Variants in LIPT2 observed in about 807,000 individuals in gnomAD.
LIPT2 encodes the protein lipoyl(octanoyl) transferase 2, also known as octanoyl-[acyl-carrier-protein]:protein N-octanoyltransferase LIPT2, mitochondrial.
Under a neutral mutation model 16.2 loss-of-function variants are expected in LIPT2, and 16 were observed. The ratio of observed to expected loss-of-function variants is 0.99; its 90% confidence interval spans 0.67 to 1.50. The LOEUF (loss-of-function observed/expected upper bound fraction) is 1.50. Among genes scored for constraint, LIPT2 ranks in the 40% most tolerant of loss-of-function variants. The pLI is 0.00. For missense variants in LIPT2, 424 were observed against 347.7 expected (o/e 1.22, Z -1.75); for synonymous variants, 199 against 169.3 (o/e 1.18, Z -1.36).
Position 74,492,174 on chromosome 11 carries a change from G to T in LIPT2, c.657C>A (p.Ile219=). 2.6e-6 allele frequency: 4 copies of T among 1,551,640 alleles called. No homozygotes were observed. The highest frequency in any genetic ancestry group is 3.5e-6 in the Non-Finnish European group (4 of 1,146,960). Residue 219 remains isoleucine, a synonymous_variant, in exon 2 of 2, where the codon ATC becomes ATA. Transcript: ENST00000310109. ...CCTCTGAGATCAGTGTGCACTTGTA[G>T]ATCTCCTTAAAGGCCACAAGGAAAG... ...MPPFLVAFKE[I]YKCTLISEDS...
chr11:74,492,666 G>A (rs1415392939), intron 1 of LIPT2, among the ~76,000 whole-genome samples: 1 of 152,048 alleles, frequency 6.6e-6, no homozygotes, highest in African/African-American at 2.4e-5. Flanking sequence ...AGCATTTTGG[G>A]AGGCCGAGGC....
chr11:74,493,526 CG>C lies in LIPT2; in HGVS notation c.177del (p.Leu61CysfsTer5). On this transcript the variant is annotated frameshift_variant, in exon 1 of 2. Transcript: ENST00000310109. LOFTEE classifies it high-confidence loss of function. ...TCGGGCGTCAGGCCGCCGCGCAGCC[CG>C]GCCGTATACACGGGCCCCGCGGGCT... ...LCEPAGPVYT[A>X]GLRGGLTPEE... The C allele has an allele frequency of 1.4e-6, 2 of 1,420,440 alleles. No homozygotes were observed. Among genetic ancestry groups the C allele is most frequent in the Non-Finnish European group, 1.8e-6 (2 of 1,093,046 alleles). The allele number at this position is 1,420,440 out of a possible 1,614,324, so 88.0% of individuals were successfully genotyped here. A position where few individuals can be genotyped will look rare whatever the true frequency, so the allele number is the denominator to read the frequency against.
At position 74,493,677 on chromosome 11, in the gene LIPT2, C is replaced by T. The variant is rs1267978086; in HGVS notation, c.27G>A (p.Val9=). 1 of 1,411,876 alleles carries T rather than the reference C, an allele frequency of 7.1e-7. No homozygotes were observed. 87.5% of individuals were successfully genotyped at this position (1,411,876 alleles called of 1,614,324 possible). The change falls in exon 1 of 2, where the codon GTG becomes GTA. Residue 9 remains valine (V), a synonymous_variant. Transcript: ENST00000310109. ...CGGCGTACGGCACCCGACCCAGGCG[C>T]ACCAACCGAACGGCGGGTTGCCGCA... MRQPAVRL[V]RLGRVPYAEL...
chr11:74,493,331 G>A lies in LIPT2; in HGVS notation c.373C>T (p.Arg125Cys), dbSNP rs750472167. The A allele has an allele frequency of 1.7e-5, 25 of 1,481,494 alleles. No homozygotes were observed. In the South Asian group the frequency reaches 3.1e-4, roughly 18 times the overall value. The allele number at this position is 1,481,494 out of a possible 1,614,324, so 91.8% of individuals were successfully genotyped here. A position where few individuals can be genotyped will look rare whatever the true frequency, so the allele number is the denominator to read the frequency against. ...TGCAGGCCCTGGAGCTCGCACAGGC[G>A]CACGGCGCACGCCTCCAGCGACGCT... ...HVASLEACAVRLCELQGLQDA... is the reference protein window; with the variant it reads ...HVASLEACAVCLCELQGLQDA... Residue 125 changes from arginine to cysteine, a missense_variant, in exon 1 of 2, where the codon CGC becomes TGC. Arg to Cys is a radical substitution (Grantham distance 180). Coordinates refer to ENST00000310109, the MANE Select transcript of LIPT2 (RefSeq NM_001144869.3).
At chr11:74,492,389 A>C in intron 1 of LIPT2, 25 bp from the exon 2 acceptor site, 1 of 1,454,990 alleles carries the variant, frequency 6.9e-7, no homozygotes, top group Non-Finnish European at 9.4e-7. Context: ...AAAGGGTCTT[A>C]GAGTAGATAC....
chr11:74,493,496 T>C lies in LIPT2; in HGVS notation c.208A>G (p.Thr70Ala). The change falls in exon 1 of 2, where the codon ACT (threonine) becomes GCT (alanine). Residue 70 changes from threonine (T) to alanine (A), a missense_variant. Physicochemically the swap from Thr to Ala is moderately conservative, Grantham distance 58. Coordinates refer to ENST00000310109, the MANE Select transcript of LIPT2 (RefSeq NM_001144869.3). ...GCGCCCAAGGCCCGTAGCCGCGCAG[T>C]TTCCTCGGGCGTCAGGCCGCCGCGC... ...GLRGGLTPEETARLRALGAEV... is the reference protein window; with the variant it reads ...GLRGGLTPEEAARLRALGAEV... The C allele has an allele frequency of 1.4e-6, 2 of 1,442,832 alleles. No individual in the cohort carries two copies. Among genetic ancestry groups the C allele is most frequent in the Non-Finnish European group, 1.8e-6 (2 of 1,103,784 alleles). The allele number at this position is 1,442,832 out of a possible 1,614,324, so 89.4% of individuals were successfully genotyped here. A position where few individuals can be genotyped will look rare whatever the true frequency, so the allele number is the denominator to read the frequency against.
At position 74,493,433 on chromosome 11, in the gene LIPT2, A is replaced by C; in HGVS notation, c.271T>G (p.Phe91Val). 6.6e-7 allele frequency: 1 copy of C among 1,505,120 alleles called. No individual in the cohort carries two copies. The highest frequency in any genetic ancestry group is 1.2e-5 in the South Asian group (1 of 80,714). The allele number at this position is 1,505,120 out of a possible 1,614,324, so 93.2% of individuals were successfully genotyped here. A position where few individuals can be genotyped will look rare whatever the true frequency, so the allele number is the denominator to read the frequency against. The change falls in exon 1 of 2, where the codon TTC becomes GTC. Residue 91 changes from phenylalanine to valine, a missense_variant. Transcript: ENST00000310109. ...CAAAGCAGCTGGCCCGGGCCGTGGAAGGTGGCCAGGCCACCGCGGCCTGTG... is the reference window on the plus strand; with the variant it reads ...CAAAGCAGCTGGCCCGGGCCGTGGACGGTGGCCAGGCCACCGCGGCCTGTG... The part of the protein sequence containing the change: ...RVTGRGGLAT[F>V]HGPGQLLCHP...
rs10736797 is a variant in LIPT2 at position 74,493,153 on chromosome 11, G to A, written c.466+85C>T. On this transcript the variant is annotated intron_variant, in intron 1 of 1. Coordinates refer to ENST00000310109, the MANE Select transcript of LIPT2 (RefSeq NM_001144869.3). ...ACGCCTCCTCCCGGCCCTCACCTCCGTTGGTCCAGCCCCGTCAGACCCCGC... is the reference window on the plus strand; with the variant it reads ...ACGCCTCCTCCCGGCCCTCACCTCCATTGGTCCAGCCCCGTCAGACCCCGC... The A allele has an allele frequency of 1, 1,047,106 of 1,047,124 alleles. 523,544 individuals carry two copies. The highest frequency in any genetic ancestry group is 1 in the Middle Eastern group (4,446 of 4,446). 64.9% of individuals were successfully genotyped at this position (1,047,124 alleles called of 1,614,324 possible). A position where few individuals can be genotyped will look rare whatever the true frequency, so the allele number is the denominator to read the frequency against.
rs562535449 is a variant in LIPT2, at chr11:74,493,378, C to G, written c.326G>C (p.Gly109Ala). The change falls in exon 1 of 2, where the codon GGC (glycine) becomes GCC (alanine). Residue 109 changes from glycine (G) to alanine (A), a missense_variant. Transcript: ENST00000310109. ...CGCTACGTGCATGCGCAAGCGCAGG[C>G]CGAGACGCCGCAGGTCGAGTACCGG... ...CHPVLDLRRLGLRLRMHVASL... is the reference protein window; with the variant it reads ...CHPVLDLRRLALRLRMHVASL... 4.2e-5 allele frequency: 63 copies of G among 1,513,552 alleles called. No individual in the cohort carries two copies. The East Asian group carries it at 1.5e-3, about 37-fold the overall frequency. 93.8% of individuals were successfully genotyped at this position (1,513,552 alleles called of 1,614,324 possible). A position where few individuals can be genotyped will look rare whatever the true frequency, so the allele number is the denominator to read the frequency against.
At position 74,490,586 on chromosome 11, in the gene LIPT2, C is replaced by T. The variant is rs1208172116; in HGVS notation, c.*1549G>A. Among the ~76,000 whole-genome samples the T allele has an allele frequency of 6.6e-6, 1 of 152,088 alleles. No homozygotes were observed. Among genetic ancestry groups the T allele is most frequent in the Non-Finnish European group, 1.5e-5 (1 of 68,020 alleles). On this transcript the variant is annotated 3_prime_UTR_variant, in exon 2 of 2. Transcript: ENST00000310109. ...ATTAAAATTAACATCATAGACCAGG[C>T]ATGGTGGCTCACACCTGTAATTCCA... is the stretch of plus-strand genomic sequence containing the variant.
In LIPT2 at chr11:74,491,892, A is replaced by G. The variant is rs757703472; in HGVS notation, c.*243T>C. ...AGACACTGCTGTCAATAGCAGTGCT[A>G]ATGTTTTATATAGCATGTGTTGCTT... On this transcript the variant is annotated 3_prime_UTR_variant, in exon 2 of 2. Transcript: ENST00000310109. The G allele has an allele frequency of 9.9e-6, 5 of 506,652 alleles. No homozygotes were observed. Among genetic ancestry groups the G allele is most frequent in the Non-Finnish European group, 1.4e-5 (4 of 278,092 alleles). The allele number at this position is 506,652 out of a possible 1,614,324, so 31.4% of individuals were successfully genotyped here.
In LIPT2 at chr11:74,492,363, TC is replaced by T. The variant is rs1864360813; in HGVS notation, c.467del (p.Gly156GlufsTer40). On this transcript the variant is annotated frameshift_variant and splice_region_variant, in exon 2 of 2. Coordinates refer to ENST00000310109, the MANE Select transcript of LIPT2 (RefSeq NM_001144869.3). LOFTEE classifies it high-confidence loss of function. ...WLDDRKICAI[G>X]VRCGRHITSH... ...ATGTGATGTGCCTTCCACAGCGGAC[TC>T]CTGCAAGGCAAGCCAAAGGGTCTTA... 1.3e-6 allele frequency: 2 copies of T among 1,549,644 alleles called. No individual in the cohort carries two copies. Among genetic ancestry groups the T allele is most frequent in the Admixed American group, 2.0e-5 (1 of 50,972 alleles).
chr11:74,493,679 C>A lies in LIPT2; in HGVS notation c.25G>T (p.Val9Leu), dbSNP rs1252452080. The part of the protein sequence containing the change: MRQPAVRL[V>L]RLGRVPYAEL... ...GCGTACGGCACCCGACCCAGGCGCA[C>A]CAACCGAACGGCGGGTTGCCGCATC... The change falls in exon 1 of 2, where the codon GTG becomes TTG. Residue 9 changes from valine (V) to leucine (L), a missense_variant. Val to Leu is a conservative substitution (Grantham distance 32). Coordinates refer to ENST00000310109, the MANE Select transcript of LIPT2 (RefSeq NM_001144869.3). 2 of 1,411,866 alleles carry A rather than the reference C, an allele frequency of 1.4e-6. No homozygotes were observed. Among genetic ancestry groups the A allele is most frequent in the East Asian group, 3.0e-5 (1 of 32,938 alleles). The allele number at this position is 1,411,866 out of a possible 1,614,324, so 87.5% of individuals were successfully genotyped here. A position where few individuals can be genotyped will look rare whatever the true frequency, so the allele number is the denominator to read the frequency against.
At position 74,492,193 on chromosome 11, in the gene LIPT2, A is replaced by C; in HGVS notation, c.638T>G (p.Leu213Arg). ...VTVEEVMPPF[L>R]VAFKEIYKCT... ...CTTGTAGATCTCCTTAAAGGCCACA[A>C]GGAAAGGTGGCATTACTTCTTCCAC... The change falls in exon 2 of 2, where the codon CTT becomes CGT. Residue 213 changes from leucine to arginine, a missense_variant. By Grantham distance (102) the Leu-to-Arg change is moderately radical. Transcript: ENST00000310109. 1 of 1,550,608 alleles carries C rather than the reference A, an allele frequency of 6.4e-7. No individual in the cohort carries two copies. The highest frequency in any genetic ancestry group is 8.7e-7 in the Non-Finnish European group (1 of 1,146,596).
rs1242284826 is a variant in LIPT2 at position 74,493,441 on chromosome 11, AGGCCACCGC to A, written c.254_262del (p.Arg85_Gly87del). 1 of 1,499,250 alleles carries A rather than the reference AGGCCACCGC, an allele frequency of 6.7e-7. No homozygotes were observed. The highest frequency in any genetic ancestry group is 8.8e-7 in the Non-Finnish European group (1 of 1,131,058). The allele number at this position is 1,499,250 out of a possible 1,614,324, so 92.9% of individuals were successfully genotyped here. A position where few individuals can be genotyped will look rare whatever the true frequency, so the allele number is the denominator to read the frequency against. ...CTGGCCCGGGCCGTGGAAGGTGGCC[AGGCCACCGC>A]GGCCTGTGACGCGCACCTCGGCGCC... On this transcript the variant is annotated inframe_deletion, in exon 1 of 2. Transcript: ENST00000310109.
chr11:74,493,172 A>G (rs934572201), intron 1 of LIPT2, 66 bp downstream of exon 1: 66 of 1,210,616 alleles, frequency 5.5e-5, no homozygotes, highest in Non-Finnish European at 6.6e-5. Context: ...GCCCCGTCAG[A>G]CCCCGCCCCC....
At chr11:74,492,403 C>G (rs1480804284) in intron 1 of LIPT2, 39 bp from the exon 2 acceptor site, 2 of 1,349,694 alleles carry the variant, frequency 1.5e-6, no homozygotes, top group South Asian at 2.5e-5. Context: ...TAGATACCCT[C>G]CACTCTCCGG....
rs1351422585 is a variant in LIPT2 at position 74,491,909 on chromosome 11, G to A, written c.*226C>T. 2 of 548,280 alleles carry A rather than the reference G, an allele frequency of 3.6e-6. No individual in the cohort carries two copies. Among genetic ancestry groups the A allele is most frequent in the Admixed American group, 3.1e-5 (1 of 32,408 alleles). 34.0% of individuals were successfully genotyped at this position (548,280 alleles called of 1,614,324 possible). On this transcript the variant is annotated 3_prime_UTR_variant, in exon 2 of 2. Coordinates refer to ENST00000310109, the MANE Select transcript of LIPT2 (RefSeq NM_001144869.3). ...GCAGTGCTAATGTTTTATATAGCAT[G>A]TGTTGCTTTTCACAGTATTGTCACA...
In LIPT2 at chr11:74,491,955, TG is replaced by T; in HGVS notation, c.*179del. 1 of 591,308 alleles carries T rather than the reference TG, an allele frequency of 1.7e-6. No individual in the cohort carries two copies. The highest frequency in any genetic ancestry group is 3.0e-6 in the Non-Finnish European group (1 of 330,072). 36.6% of individuals were successfully genotyped at this position (591,308 alleles called of 1,614,324 possible). ...TCACATCTAGTATCTCTGAGGTAGG[TG>T]GGGAAGATATAAATAAAACAGGATA... On this transcript the variant is annotated 3_prime_UTR_variant, in exon 2 of 2. Transcript: ENST00000310109.
Sources: gnomAD v4.1 joint callset for allele counts (sites outside exome capture counted in the v4.1 genomes callset) on GRCh38, gnomAD v4.1.1 for gene constraint, MANE v1.5 for transcripts, NCBI Gene and HGNC (gene_info 2026-07-23, HGNC 2026-07-21) for gene names.